CPEB3: variants seen among roughly 807,000 people sequenced by gnomAD.
CPEB3 encodes cytoplasmic polyadenylation element-binding protein 3.
Under a neutral mutation model 67.2 loss-of-function variants are expected in CPEB3, and 20 were observed. That is an observed-to-expected ratio of 0.30 (90% CI 0.21 to 0.43). The LOEUF (loss-of-function observed/expected upper bound fraction) is 0.43, where lower values mean the gene tolerates loss of function less well. Ranked by LOEUF, CPEB3 falls within the 20% of genes least tolerant of loss-of-function variation. CPEB3 has a pLI of 1.00. For missense variants in CPEB3, 746 were observed against 968.6 expected, an observed-to-expected ratio of 0.77 and a Z score of 3.05; for synonymous variants, 376 against 393.1, an observed-to-expected ratio of 0.96 and a Z score of 0.51.
At position 92,129,780 on chromosome 10, in the gene CPEB3, G is replaced by C. The variant is rs530228988; in HGVS notation, c.1453+13249C>G. Among the ~76,000 whole-genome samples, 17 of 152,156 alleles carry C rather than the reference G, an allele frequency of 1.1e-4. No individual in the cohort carries two copies. The South Asian group carries it at 3.5e-3, about 32-fold the overall frequency. ...ATCCCTGTTGCGCATGGTAGCTCAC[G>C]CCTGTAATCCCAACACTTTGGGAGG... On this transcript the variant is annotated intron_variant, in intron 6 of 9. Transcript: ENST00000265997.
At chr10:92,113,838 T>C (rs1844870547) in intron 6 of CPEB3, among the ~76,000 whole-genome samples, 1 of 152,144 alleles carries the variant, frequency 6.6e-6, no homozygotes, top group Non-Finnish European at 1.5e-5. Flanking sequence ...ATATCTACAC[T>C]GGCAGTAGAT....
chr10:92,087,676 TCTA>T (rs372695627), intron 8 of CPEB3, among the ~76,000 whole-genome samples: 18 of 152,270 alleles, frequency 1.2e-4, no homozygotes, highest in African/African-American at 4.3e-4. Flanking sequence ...TACCTCACTC[TCTA>T]CTTTTTCCTG....
At chr10:92,119,161 A>G (rs75252184) in intron 6 of CPEB3, 1 of 1,582,580 alleles carries the variant, frequency 6.3e-7, no homozygotes, top group Non-Finnish European at 8.7e-7. Flanking sequence ...CGGCAGCCAT[A>G]TGAAGAACGG....
chr10:92,071,671 G>T (rs1842758713), intron 9 of CPEB3, among the ~76,000 whole-genome samples: 1 of 151,346 alleles, frequency 6.6e-6, no homozygotes, highest in Non-Finnish European at 1.5e-5. Flanking sequence ...GGCAGCAGAG[G>T]TTGCAGTGAG....
At chr10:92,243,926 G>A (rs1027320974) in intron 1 of CPEB3, among the ~76,000 whole-genome samples, 3 of 152,050 alleles carry the variant, frequency 2.0e-5, no homozygotes, top group Admixed American at 2.0e-4. Context: ...GATAAGCTCT[G>A]AACCAACTCA....
chr10:92,059,251 G>C lies in CPEB3; in HGVS notation c.1870-6812C>G, dbSNP rs750217292. Among the ~76,000 whole-genome samples the C allele has an allele frequency of 4.7e-4, 68 of 145,376 alleles. 3 individuals are homozygous for C. The highest frequency in any genetic ancestry group is 9.5e-4 in the Non-Finnish European group (64 of 67,048). On this transcript the variant is annotated intron_variant, in intron 9 of 9. Transcript: ENST00000265997. ...AAGGCAGGAGAATCGCTTGAACCTG[G>C]GAGGTGGAGGTTACAGTGAGCCGAG...
intron 1 of CPEB3, among the ~76,000 whole-genome samples, chr10:92,253,873 G>T (rs1564911037): frequency 6.6e-6 from 1 of 151,964 alleles, no homozygotes; most frequent in Non-Finnish European, 1.5e-5. Flanking sequence ...ATAAACTAGG[G>T]GTTCCCTATG....
intron 6 of CPEB3, chr10:92,118,988 C>A: frequency 6.6e-7 from 1 of 1,517,714 alleles, no homozygotes; most frequent in South Asian, 1.1e-5. Context: ...GGGGCCAGCA[C>A]TGATCCACAC....
intron 1 of CPEB3, among the ~76,000 whole-genome samples, chr10:92,279,158 G>C (rs1842141160): frequency 6.6e-6 from 1 of 152,172 alleles, no homozygotes; most frequent in African/African-American, 2.4e-5. Flanking sequence ...CATCAGGCAA[G>C]ATGTTGGCTA....
chr10:92,204,836 CTTT>C (rs750482213), intron 2 of CPEB3, among the ~76,000 whole-genome samples: 6 of 125,048 alleles, frequency 4.8e-5, no homozygotes, highest in African/African-American at 1.5e-4. Context: ...ATCTTAACCA[CTTT>C]TTTTTTTTTT....
chr10:92,166,082 A>C (rs1174541478), intron 4 of CPEB3, among the ~76,000 whole-genome samples: 2 of 152,044 alleles, frequency 1.3e-5, no homozygotes, highest in African/African-American at 4.8e-5. Context: ...ATCTATGGCA[A>C]GTATTGCCTT....
intron 4 of CPEB3, among the ~76,000 whole-genome samples, chr10:92,178,658 T>C (rs1848331463): frequency 6.6e-6 from 1 of 152,016 alleles, no homozygotes. Context: ...CTGGGCAACA[T>C]AGCAACACTT....
chr10:92,216,380 G>T, intron 2 of CPEB3: 5 of 1,612,388 alleles, frequency 3.1e-6, no homozygotes, highest in Non-Finnish European at 4.2e-6. Context: ...TCAGGCGGAG[G>T]TGTGTTCCGG....
intron 2 of CPEB3, among the ~76,000 whole-genome samples, chr10:92,229,928 C>T (rs1157007414): frequency 6.6e-6 from 1 of 152,168 alleles, no homozygotes; most frequent in Admixed American, 6.5e-5. Context: ...TGCCTATAAT[C>T]CCAGCTACTT....
chr10:92,291,224 G>C (rs1042607403), upstream of CPEB3: 3 of 532,906 alleles, frequency 5.6e-6, no homozygotes, highest in African/African-American at 6.1e-5. Flanking sequence ...TCCATGGACC[G>C]GAACCTCGGG....
Position 92,280,745 on chromosome 10 carries a change from CATCTA to C in CPEB3, c.-12+10176_-12+10180del, listed in dbSNP as rs201274125. 3.1e-3 allele frequency among the ~76,000 whole-genome samples: 444 copies of C among 143,880 alleles called. 6 individuals are homozygous for C. The highest frequency in any genetic ancestry group is 0.011 in the African/African-American group (419 of 38,138). The allele number at this position is 143,880 out of a possible 152,430, so 94.4% of individuals were successfully genotyped here. ...TACATACAGGCTAATAGACGGTGAG[CATCTA>C]TTCTTTTTTTTTTTTTTTTTTTTTT... On this transcript the variant is annotated intron_variant, in intron 1 of 9. Coordinates refer to ENST00000265997, the MANE Select transcript of CPEB3 (RefSeq NM_014912.5).
chr10:92,257,297 ATTTATT>A (rs1564913044), intron 1 of CPEB3, among the ~76,000 whole-genome samples: 1 of 152,134 alleles, frequency 6.6e-6, no homozygotes, highest in African/African-American at 2.4e-5. Flanking sequence ...TTAACAAATT[ATTTATT>A]TTATTTTTTT....
intron 1 of CPEB3, among the ~76,000 whole-genome samples, chr10:92,240,790 C>T (rs543994155): frequency 2.0e-5 from 3 of 152,282 alleles, no homozygotes; most frequent in East Asian, 1.9e-4. Context: ...CTGCTGCGTC[C>T]TTCAGCAAGG....
chr10:92,144,851 G>T, intron 5 of CPEB3, 94 bp downstream of exon 5: 1 of 1,107,144 alleles, frequency 9.0e-7, no homozygotes, highest in Non-Finnish European at 1.3e-6. Flanking sequence ...CTAAGATATA[G>T]ATGTCCTAAA....
Sources: allele counts gnomAD v4.1 joint callset (sites outside exome capture counted in the v4.1 genomes callset), GRCh38; gene constraint gnomAD v4.1.1; transcripts MANE v1.5; gene names NCBI Gene and HGNC (gene_info 2026-07-23, HGNC 2026-07-21).